The following FARP2 variants were observed in gnomAD, a reference collection of about 807,000 sequenced individuals.
The protein encoded by FARP2 is FERM, ARH/RhoGEF and pleckstrin domain protein 2.
FARP2 carries 111 observed loss-of-function variants against 130.5 expected under a neutral mutation model. The observed-to-expected ratio is 0.85, with a 90% CI of 0.73 to 1.00. The LOEUF is 1.00. FARP2 is among the 50% of genes least tolerant of loss of function. The probability of loss-of-function intolerance (pLI) is 0.00; values close to 1 mark genes in which losing one functional copy is unlikely to be tolerated. For missense variants in FARP2, 1,385 were observed against 1,346.3 expected, an observed-to-expected ratio of 1.03 and a Z score of -0.45; for synonymous variants, 504 against 516.9, an observed-to-expected ratio of 0.98 and a Z score of 0.34.
chr2:241,417,694 G>A (rs548779818), intron 7 of FARP2, among the ~76,000 whole-genome samples: 9 of 152,330 alleles, frequency 5.9e-5, no homozygotes, highest in African/African-American at 1.9e-4. Flanking sequence ...TCACTATGGA[G>A]CAGATGTAAG....
chr2:241,404,767 A>G (rs367712897), intron 3 of FARP2, 32 bp from the exon 4 acceptor site: 5 of 1,524,772 alleles, frequency 3.3e-6, no homozygotes, highest in African/African-American at 2.7e-5. Context: ...ATTATTTAAT[A>G]GATTGGATTT....
chr2:241,436,360 C>T, intron 11 of FARP2, 121 bp from the exon 12 acceptor site: 1 of 802,210 alleles, frequency 1.2e-6, no homozygotes, highest in South Asian at 1.5e-5. Flanking sequence ...AAGTTAGATA[C>T]CTCTTAGCTA....
At chr2:241,471,358 T>G (rs2064300247) in intron 18 of FARP2, 1 of 151,080 alleles carries the variant, frequency 6.6e-6, no homozygotes, top group Non-Finnish European at 1.5e-5. Context: ...TTTGTGGGGA[T>G]CCTGTTCTGT....
At chr2:241,421,194 G>A (rs2062798188) in intron 8 of FARP2, among the ~76,000 whole-genome samples, 1 of 152,142 alleles carries the variant, frequency 6.6e-6, no homozygotes, top group African/African-American at 2.4e-5. Flanking sequence ...CTCCTCATGA[G>A]CCCATGCCAC....
intron 7 of FARP2, among the ~76,000 whole-genome samples, chr2:241,416,381 C>G (rs2062673562): frequency 6.6e-6 from 1 of 152,108 alleles, no homozygotes; most frequent in African/African-American, 2.4e-5. Flanking sequence ...TAGGCCTTCA[C>G]TGTGTTAATT....
intron 8 of FARP2, among the ~76,000 whole-genome samples, chr2:241,422,153 C>T (rs79946859): frequency 0.022 from 3,195 of 146,980 alleles, 109 homozygotes; most frequent in African/African-American, 0.07. Context: ...AAAAAACAAA[C>T]ACCTGTAATC....
Position 241,491,141 on chromosome 2 carries a change from C to T in FARP2, c.2585C>T (p.Pro862Leu). 1.2e-6 allele frequency: 2 copies of T among 1,613,216 alleles called. No homozygotes were observed. Among genetic ancestry groups the T allele is most frequent in the Non-Finnish European group, 1.7e-6 (2 of 1,179,912 alleles). Residue 862 changes from proline to leucine, a missense_variant, in exon 23 of 27, where the codon CCT becomes CTT. Physicochemically the swap from Pro to Leu is moderately conservative, Grantham distance 98. Transcript: ENST00000264042. ...GCCAAGAGTGGCGGTGACACGGCCC[C>T]TGCACTGCCAGGCCGCACTGTGTGC... ...QAAKSGGDTAPALPGRTVCTR... is the reference protein window; with the variant it reads ...QAAKSGGDTALALPGRTVCTR...
rs763509427 is a variant in FARP2, at chr2:241,417,983, G to A, written c.645G>A (p.Ser215=). ...QKHVGQTPAE[S]DFQVLEIARK... ...ACAGGGGCCAGACACCTGCTGAGTC[G>A]GATTTCCAGGTGCTCGAAATTGCTC... is the stretch of plus-strand genomic sequence containing the variant. The change falls in exon 8 of 27, where the codon TCG becomes TCA. Residue 215 remains serine (S), a synonymous_variant. Coordinates refer to ENST00000264042, the MANE Select transcript of FARP2 (RefSeq NM_014808.4). 43 of 1,614,146 alleles carry A rather than the reference G, an allele frequency of 2.7e-5. No individual in the cohort carries two copies. The highest frequency in any genetic ancestry group is 1.6e-4 in the Middle Eastern group (1 of 6,062).
chr2:241,416,522 A>G (rs1317108630), intron 7 of FARP2, among the ~76,000 whole-genome samples: 1 of 152,096 alleles, frequency 6.6e-6, no homozygotes, highest in Non-Finnish European at 1.5e-5. Flanking sequence ...ACATTGTCTT[A>G]TGATTCTGAT....
chr2:241,372,982 T>C (rs2061456191), intron 1 of FARP2, 102 bp from the exon 2 acceptor site: 1 of 517,166 alleles, frequency 1.9e-6, no homozygotes, highest in African/African-American at 2.0e-5. Context: ...GCAGTAATAG[T>C]ACAGAGGATT....
intron 2 of FARP2, among the ~76,000 whole-genome samples, chr2:241,382,422 T>G (rs2061685422): frequency 6.6e-6 from 1 of 151,572 alleles, no homozygotes; most frequent in African/African-American, 2.4e-5. Flanking sequence ...TAGCTGGGAC[T>G]ACAGATGTGT....
At chr2:241,415,736 G>T (rs2062646622) in intron 7 of FARP2, among the ~76,000 whole-genome samples, 2 of 152,196 alleles carry the variant, frequency 1.3e-5, no homozygotes, top group African/African-American at 4.8e-5. Flanking sequence ...GGTGCCAAGA[G>T]AGCATGTTTT....
Position 241,459,561 on chromosome 2 carries a change from G to A in FARP2, c.1587+2639G>A, listed in dbSNP as rs116395882. ...TGTGAGGATCGGCCACAGTCGAAAG[G>A]TAGGAAAGCCAAAGGTGGCAGAAGC... On this transcript the variant is annotated intron_variant, in intron 14 of 26. Transcript: ENST00000264042. This position sits in a 1 kb window ranked among gnomAD's most constrained non-coding sequence, Gnocchi z 5.3. 1.3e-3 allele frequency among the ~76,000 whole-genome samples: 205 copies of A among 152,352 alleles called. 1 individual carries two copies. Among genetic ancestry groups the A allele is most frequent in the African/African-American group, 4.5e-3 (186 of 41,582 alleles).
intron 1 of FARP2, among the ~76,000 whole-genome samples, chr2:241,357,078 G>T (rs1373629486): frequency 6.6e-6 from 1 of 152,202 alleles, no homozygotes; most frequent in East Asian, 1.9e-4. Flanking sequence ...GCAACCCCTG[G>T]CCTATCATGT....
chr2:241,480,949 T>G (rs899205016), intron 19 of FARP2, among the ~76,000 whole-genome samples: 5 of 150,576 alleles, frequency 3.3e-5, no homozygotes, highest in African/African-American at 1.2e-4. Flanking sequence ...CTGGGCATAG[T>G]GGCTCAAGCC....
intron 17 of FARP2, chr2:241,466,681 T>G (rs934520037): frequency 7.1e-5 from 41 of 575,900 alleles, no homozygotes; most frequent in African/African-American, 1.6e-4. Flanking sequence ...TTCACTCCCC[T>G]TCCAACCACC....
At chr2:241,492,890 G>A in intron 24 of FARP2, 39 bp from the exon 25 acceptor site, 1 of 1,202,124 alleles carries the variant, frequency 8.3e-7, no homozygotes, top group East Asian at 2.3e-5. Context: ...GGGGTCCTGG[G>A]TGCTGGTTAA....
intron 21 of FARP2, chr2:241,489,225 T>C (rs978472714): frequency 6.6e-6 from 1 of 152,386 alleles, no homozygotes; most frequent in Non-Finnish European, 1.5e-5. Context: ...TGGCTGGTCC[T>C]GGGGACAGAG....
intron 2 of FARP2, among the ~76,000 whole-genome samples, chr2:241,383,550 G>A (rs1248790814): frequency 6.6e-6 from 1 of 152,210 alleles, no homozygotes; most frequent in African/African-American, 2.4e-5. Context: ...CTCACATGGA[G>A]GGAAATGGAA....
Sources: gnomAD v4.1 joint callset for allele counts (sites outside exome capture counted in the v4.1 genomes callset) on GRCh38, gnomAD v4.1.1 for gene constraint, Gnocchi (gnomAD v3.1) non-coding constraint, MANE v1.5 for transcripts, NCBI Gene and HGNC (gene_info 2026-07-23, HGNC 2026-07-21) for gene names.